The following FSIP2 variants were observed in gnomAD, a reference collection of about 807,000 sequenced individuals.
The protein encoded by FSIP2 is fibrous sheath-interacting protein 2.
In FSIP2, 367 loss-of-function variants were observed where a neutral mutation model predicts 510.5. The observed-to-expected ratio is 0.72, with a 90% CI of 0.66 to 0.78. The LOEUF is 0.78. FSIP2 is among the 30% of genes least tolerant of loss of function. FSIP2 has a pLI of 0.00. For missense variants in FSIP2, 7,594 were observed against 7,901.7 expected (o/e 0.96, Z 1.48); for synonymous variants, 2,601 against 2,732.2 (o/e 0.95, Z 1.50).
intron 8 of FSIP2, among the ~76,000 whole-genome samples, chr2:185,755,413 C>T (rs1211650808): frequency 2.0e-5 from 3 of 151,540 alleles, no homozygotes; most frequent in Non-Finnish European, 3.0e-5. Flanking sequence ...CATTAACTTT[C>T]TCATATAGTA....
upstream of FSIP2, chr2:185,738,673 A>G: frequency 6.5e-7 from 1 of 1,536,034 alleles, no homozygotes; most frequent in Non-Finnish European, 8.7e-7. Flanking sequence ...TCTCGGACCG[A>G]TTTTCCCAGC....
At chr2:185,824,914 T>C (rs546378385) in intron 20 of FSIP2, among the ~76,000 whole-genome samples, 2 of 151,898 alleles carry the variant, frequency 1.3e-5, no homozygotes, top group Non-Finnish European at 2.9e-5. Context: ...TTTTTCTATA[T>C]ATTTTTTGTT....
At chr2:185,810,194 T>C (rs1236096535) in intron 17 of FSIP2, among the ~76,000 whole-genome samples, 1 of 152,052 alleles carries the variant, frequency 6.6e-6, no homozygotes, top group Non-Finnish European at 1.5e-5. Context: ...CACCCTGATA[T>C]AGTTTGATAT....
intron 13 of FSIP2, among the ~76,000 whole-genome samples, chr2:185,767,086 C>T (rs1692502880): frequency 7.3e-6 from 1 of 137,196 alleles, no homozygotes; most frequent in African/African-American, 2.8e-5. Context: ...CCAAACACCG[C>T]ATATTCTCAC....
intron 13 of FSIP2, among the ~76,000 whole-genome samples, chr2:185,774,844 T>C (rs1692685544): frequency 1.3e-5 from 1 of 78,462 alleles, no homozygotes; most frequent in African/African-American, 5.0e-5. Context: ...TGGTTTTTTG[T>C]TCCTGCGATA....
At chr2:185,827,201 C>G (rs1694028481) in intron 20 of FSIP2, among the ~76,000 whole-genome samples, 1 of 151,670 alleles carries the variant, frequency 6.6e-6, no homozygotes. Context: ...GAAATCTTAC[C>G]AATTTTGTCA....
chr2:185,786,418 C>T, intron 15 of FSIP2, 130 bp downstream of exon 15: 1 of 621,502 alleles, frequency 1.6e-6, no homozygotes, highest in East Asian at 2.8e-5. Context: ...CCTTTTTGCC[C>T]CTTTTTCTTC....
chr2:185,764,558 C>T lies in FSIP2; in HGVS notation c.1404C>T (p.Cys468=), dbSNP rs184129126. The T allele has an allele frequency of 7.2e-5, 109 of 1,518,052 alleles. No individual in the cohort carries two copies. Among genetic ancestry groups the T allele is most frequent in the South Asian group, 4.1e-4 (34 of 83,354 alleles). The allele number at this position is 1,518,052 out of a possible 1,614,324, so 94.0% of individuals were successfully genotyped here. A position where few individuals can be genotyped will look rare whatever the true frequency, so the allele number is the denominator to read the frequency against. ...CAACCAAGAGATCAAGCTATCTCTG[C>T]GAATCAGGTAAATATCAGCAGTAAT... ...GRPTKRSSYL[C]ESGPQAHATD... The change falls in exon 13 of 23, where the codon TGC becomes TGT. Residue 468 remains cysteine (C), a synonymous_variant. Transcript: ENST00000424728.
rs528725884 is a variant in FSIP2 at position 185,739,582 on chromosome 2, G to C, written c.225+111G>C. 1.3e-5 allele frequency: 13 copies of C among 1,019,386 alleles called. No homozygotes were observed. In the African/African-American group the frequency reaches 1.7e-4, roughly 13 times the overall value. 63.1% of individuals were successfully genotyped at this position (1,019,386 alleles called of 1,614,324 possible). ...AAGGAATTTGCATCAACATTTACAGGAAAAAGAAAATCCCACATCTGACCG... is the reference window on the plus strand; with the variant it reads ...AAGGAATTTGCATCAACATTTACAGCAAAAAGAAAATCCCACATCTGACCG... On this transcript the variant is annotated intron_variant, in intron 2 of 22. Coordinates refer to ENST00000424728, the MANE Select transcript of FSIP2 (RefSeq NM_173651.4).
Position 185,803,374 on chromosome 2 carries a change from G to A in FSIP2, c.14068G>A (p.Glu4690Lys). The A allele has an allele frequency of 1.3e-6, 2 of 1,533,302 alleles. No homozygotes were observed. The highest frequency in any genetic ancestry group is 1.7e-6 in the Non-Finnish European group (2 of 1,144,942). 95.0% of individuals were successfully genotyped at this position (1,533,302 alleles called of 1,614,324 possible). A position where few individuals can be genotyped will look rare whatever the true frequency, so the allele number is the denominator to read the frequency against. ...GGAAAGACTGTGTTTACCTCCAGTG[G>A]AGAGGGATGTAGTCAAAACAATTGT... ...TEERLCLPPV[E>K]RDVVKTIVDM... Residue 4690 changes from glutamate (E) to lysine (K), a missense_variant, in exon 17 of 23, where the codon GAG becomes AAG. Physicochemically the swap from Glu to Lys is moderately conservative, Grantham distance 56. Transcript: ENST00000424728.
At chr2:185,753,913 A>G in intron 8 of FSIP2, 71 bp downstream of exon 8, 6 of 1,054,660 alleles carry the variant, frequency 5.7e-6, no homozygotes, top group Non-Finnish European at 6.4e-6. Context: ...ATCCTTGTGT[A>G]ATACTCTGTG....
chr2:185,782,437 A>C (rs1209747883), intron 13 of FSIP2, among the ~76,000 whole-genome samples: 1 of 152,232 alleles, frequency 6.6e-6, no homozygotes, highest in Non-Finnish European at 1.5e-5. Flanking sequence ...GAAACATGAT[A>C]TATTTAGGGA....
rs1249323537 is a variant in FSIP2, at chr2:185,800,311, CA to C, written c.11012del (p.Asn3671IlefsTer3). 1 of 1,531,590 alleles carries C rather than the reference CA, an allele frequency of 6.5e-7. No individual in the cohort carries two copies. The highest frequency in any genetic ancestry group is 8.7e-7 in the Non-Finnish European group (1 of 1,144,942). The allele number at this position is 1,531,590 out of a possible 1,614,324, so 94.9% of individuals were successfully genotyped here. A position where few individuals can be genotyped will look rare whatever the true frequency, so the allele number is the denominator to read the frequency against. On this transcript the variant is annotated frameshift_variant, in exon 17 of 23. Transcript: ENST00000424728. LOFTEE classifies it high-confidence loss of function. ...TACTCAACAAATTGGTCAACTTTTTCAAAAAAATAAGTTAAGTTATCTTGCA... is the reference window on the plus strand; with the variant it reads ...TACTCAACAAATTGGTCAACTTTTTCAAAAAATAAGTTAAGTTATCTTGCA... Reference protein sequence around the residue: ...FSTQQIGQLFQKNKLSYLACK... With the variant: ...FSTQQIGQLFXKNKLSYLACK...
intron 1 of FSIP2, 97 bp downstream of exon 1, chr2:185,739,090 A>G: frequency 7.2e-7 from 1 of 1,393,346 alleles, no homozygotes; most frequent in South Asian, 1.5e-5. Flanking sequence ...CGAGGCTCCC[A>G]ACTGTCCCCC....
Position 185,806,077 on chromosome 2 carries a change from G to C in FSIP2, c.16771G>C (p.Asp5591His). Residue 5591 changes from aspartate (D) to histidine (H), a missense_variant, in exon 17 of 23, where the codon GAT (aspartate) becomes CAT (histidine). By Grantham distance (81) the Asp-to-His change is moderately conservative. Coordinates refer to ENST00000424728, the MANE Select transcript of FSIP2 (RefSeq NM_173651.4). ...EIYTHFSLII[D>H]DTEYEKEVLG... ...ATACACACATTTTTCATTAATAATT[G>C]ATGATACAGAATATGAGAAGGAAGT... 6.4e-7 allele frequency: 1 copy of C among 1,566,366 alleles called. No individual in the cohort carries two copies. The highest frequency in any genetic ancestry group is 1.2e-5 in the South Asian group (1 of 83,876).
intron 13 of FSIP2, among the ~76,000 whole-genome samples, chr2:185,773,574 C>T (rs962983270): frequency 6.6e-6 from 1 of 152,180 alleles, no homozygotes; most frequent in Admixed American, 6.5e-5. Flanking sequence ...GTTTCTAATG[C>T]TGTGTCTTTG....
intron 14 of FSIP2, among the ~76,000 whole-genome samples, chr2:185,785,352 GTTTCT>G (rs1043886771): frequency 1.3e-5 from 2 of 151,990 alleles, no homozygotes; most frequent in Admixed American, 1.3e-4. Context: ...ACCCAGTGAA[GTTTCT>G]TTTCTTTTCT....
intron 2 of FSIP2, among the ~76,000 whole-genome samples, chr2:185,741,420 T>C (rs1004620056): frequency 1.1e-4 from 17 of 152,190 alleles, no homozygotes; most frequent in Non-Finnish European, 1.5e-4. Flanking sequence ...CTGGCTCAAA[T>C]GGGTGGATTT....
At chr2:185,782,147 C>T (rs1020995905) in intron 13 of FSIP2, among the ~76,000 whole-genome samples, 7 of 151,972 alleles carry the variant, frequency 4.6e-5, no homozygotes, top group African/African-American at 1.7e-4. Context: ...AAAATTGATC[C>T]ACACCAAAAC....
Sources: gnomAD v4.1 joint callset for allele counts (sites outside exome capture counted in the v4.1 genomes callset) on GRCh38, gnomAD v4.1.1 for gene constraint, MANE v1.5 for transcripts, NCBI Gene and HGNC (gene_info 2026-07-23, HGNC 2026-07-21) for gene names.